The following RBMS3 variants were observed in gnomAD, a reference collection of about 807,000 sequenced individuals.
RBMS3 encodes RNA binding motif single stranded interacting protein 3, also known as RNA-binding motif, single-stranded-interacting protein 3.
In RBMS3, 27 loss-of-function variants were observed where a neutral mutation model predicts 66.8. The observed-to-expected ratio is 0.40, with a 90% CI of 0.30 to 0.56. The LOEUF is 0.56. Ranked by LOEUF, RBMS3 falls within the 20% of genes least tolerant of loss-of-function variation. The pLI, the probability that RBMS3 is intolerant of heterozygous loss-of-function variation, is 0.40. For missense variants in RBMS3, 513 were observed against 549.5 expected, an observed-to-expected ratio of 0.93 and a Z score of 0.66; for synonymous variants, 188 against 183.0, an observed-to-expected ratio of 1.03 and a Z score of -0.22.
chr3:29,565,237 T>C (rs1198610938), intron 3 of RBMS3, among the ~76,000 whole-genome samples: 1 of 152,192 alleles, frequency 6.6e-6, no homozygotes, highest in Non-Finnish European at 1.5e-5. Context: ...AAGGAGCTTA[T>C]TGTACAGTGT....
chr3:29,866,128 T>TA (rs1165662938), intron 6 of RBMS3, among the ~76,000 whole-genome samples: 1 of 148,060 alleles, frequency 6.8e-6, no homozygotes, highest in Admixed American at 6.7e-5. Flanking sequence ...ATTCCTTGGT[T>TA]AAAAAAAGAC....
intron 1 of RBMS3, among the ~76,000 whole-genome samples, chr3:29,341,469 C>T (rs1449971153): frequency 1.3e-5 from 2 of 151,990 alleles, no homozygotes; most frequent in African/African-American, 4.8e-5. Context: ...TATTTTAAAT[C>T]TTATAAGTAT....
chr3:29,684,535 T>C (rs1191528722), intron 4 of RBMS3, among the ~76,000 whole-genome samples: 1 of 152,172 alleles, frequency 6.6e-6, no homozygotes, highest in African/African-American at 2.4e-5. Context: ...ATATGGAATT[T>C]TATTTAGGGA....
At chr3:29,921,674 C>G (rs984550645) in intron 10 of RBMS3, among the ~76,000 whole-genome samples, 1 of 152,088 alleles carries the variant, frequency 6.6e-6, no homozygotes, top group Non-Finnish European at 1.5e-5. Flanking sequence ...TAATTATAGC[C>G]AACTCTTCAG....
intron 4 of RBMS3, among the ~76,000 whole-genome samples, chr3:29,678,038 A>G (rs1168399820): frequency 6.6e-6 from 1 of 152,134 alleles, no homozygotes; most frequent in Non-Finnish European, 1.5e-5. Context: ...GCTAGCGATT[A>G]TTTATTTAAA....
chr3:29,749,952 C>G (rs2055098077), intron 5 of RBMS3, among the ~76,000 whole-genome samples: 1 of 152,096 alleles, frequency 6.6e-6, no homozygotes, highest in Non-Finnish European at 1.5e-5. Context: ...TTGAAGAAAT[C>G]AGCTAAAGAG....
intron 10 of RBMS3, among the ~76,000 whole-genome samples, chr3:29,919,383 G>T (rs1310378182): frequency 2.0e-5 from 3 of 152,206 alleles, no homozygotes; most frequent in Non-Finnish European, 2.9e-5. Context: ...ATAAAAGAAA[G>T]TAGAGAAATT....
At chr3:29,336,003 C>T (rs1559497400) in intron 1 of RBMS3, among the ~76,000 whole-genome samples, 1 of 152,096 alleles carries the variant, frequency 6.6e-6, no homozygotes, top group African/African-American at 2.4e-5. Flanking sequence ...AATTTTTCAA[C>T]TGATCAGCCT....
intron 1 of RBMS3, among the ~76,000 whole-genome samples, chr3:29,295,962 T>G (rs1328165532): frequency 6.6e-6 from 1 of 151,794 alleles, no homozygotes; most frequent in African/African-American, 2.4e-5. Context: ...TTCTGTGCCC[T>G]GCAAGGTTGT....
chr3:29,411,056 C>G (rs939524476), intron 1 of RBMS3, among the ~76,000 whole-genome samples: 1 of 151,474 alleles, frequency 6.6e-6, no homozygotes, highest in Non-Finnish European at 1.5e-5. Context: ...TGAGTAGACT[C>G]AAGTCTCTTG....
At position 29,336,203 on chromosome 3, in the gene RBMS3, A is replaced by G. The variant is rs144731384; in HGVS notation, c.75+54447A>G. On this transcript the variant is annotated intron_variant, in intron 1 of 14. Coordinates refer to ENST00000383767, the MANE Select transcript of RBMS3 (RefSeq NM_001003793.3). ...TTTCTTCATGTTTTGGGTGGTAAGC[A>G]CAGTTTGAAACAGGCTTTCTGTTAA... is the stretch of plus-strand genomic sequence containing the variant. Among the ~76,000 whole-genome samples the G allele has an allele frequency of 5.1e-3, 782 of 152,302 alleles. 9 individuals carry two copies. Among genetic ancestry groups the G allele is most frequent in the African/African-American group, 0.017 (716 of 41,574 alleles).
chr3:29,488,296 T>G, intron 2 of RBMS3, 145 bp from the exon 3 acceptor site: 1 of 598,824 alleles, frequency 1.7e-6, no homozygotes. Flanking sequence ...TGAAAGGACA[T>G]CATCCAGGTG....
chr3:29,992,433 A>C (rs1272801238), intron 14 of RBMS3, among the ~76,000 whole-genome samples: 1 of 152,084 alleles, frequency 6.6e-6, no homozygotes, highest in African/African-American at 2.4e-5. Flanking sequence ...AAAAATACAA[A>C]AAACTTAGCT....
At chr3:29,348,258 A>G (rs2036695882) in intron 1 of RBMS3, among the ~76,000 whole-genome samples, 1 of 152,216 alleles carries the variant, frequency 6.6e-6, no homozygotes, top group African/African-American at 2.4e-5. Context: ...CTGCATTGTC[A>G]TTTAAGCTGT....
At chr3:29,636,500 G>A (rs1042744977) in intron 4 of RBMS3, among the ~76,000 whole-genome samples, 1 of 151,912 alleles carries the variant, frequency 6.6e-6, no homozygotes, top group Non-Finnish European at 1.5e-5. Flanking sequence ...AGGGTGGAAG[G>A]CTGGTAATCT....
chr3:29,416,488 A>G (rs1561373), intron 1 of RBMS3, among the ~76,000 whole-genome samples: 65,869 of 151,938 alleles, frequency 0.43, 14,539 homozygotes, highest in African/African-American at 0.52. Context: ...AAAGAAATGC[A>G]TTTTAATCAC....
At chr3:29,759,555 T>C (rs2055571686) in intron 5 of RBMS3, among the ~76,000 whole-genome samples, 1 of 152,094 alleles carries the variant, frequency 6.6e-6, no homozygotes, top group Non-Finnish European at 1.5e-5. Context: ...TGTGCTGTCT[T>C]TTCAGACTCA....
At chr3:29,509,646 C>G (rs1016377807) in intron 3 of RBMS3, among the ~76,000 whole-genome samples, 11 of 152,168 alleles carry the variant, frequency 7.2e-5, no homozygotes, top group African/African-American at 2.2e-4. Context: ...TCAAAGCTTT[C>G]CCTGTGCCTT....
chr3:29,281,772 C>T lies in RBMS3; in HGVS notation c.75+16C>T, dbSNP rs767466983. The T allele has an allele frequency of 4.4e-6, 7 of 1,599,182 alleles. No individual in the cohort carries two copies. The highest frequency in any genetic ancestry group is 1.3e-5 in the African/African-American group (1 of 74,504). ...CCAAACCAAGGTATGGCTTGACCCA[C>T]GGTCTGGCGATCAGCGTGGTATCGT... On this transcript the variant is annotated intron_variant, in intron 1 of 14. Coordinates refer to ENST00000383767, the MANE Select transcript of RBMS3 (RefSeq NM_001003793.3).
Sources: allele counts gnomAD v4.1 joint callset (sites outside exome capture counted in the v4.1 genomes callset), GRCh38; gene constraint gnomAD v4.1.1; transcripts MANE v1.5; gene names NCBI Gene and HGNC (gene_info 2026-07-23, HGNC 2026-07-21).